The following RHCG variants were observed in gnomAD, a reference collection of about 807,000 sequenced individuals.
The protein encoded by RHCG is Rh family C glycoprotein, also known as ammonium transporter Rh type C.
In RHCG, 39 loss-of-function variants were observed where a neutral mutation model predicts 55.3. The ratio of observed to expected loss-of-function variants is 0.70; its 90% CI spans 0.55 to 0.92. The LOEUF (loss-of-function observed/expected upper bound fraction) is 0.92, where lower values mean the gene tolerates loss of function less well. RHCG is among the 40% of genes least tolerant of loss of function. RHCG has a pLI of 0.00. For synonymous variants in RHCG, 250 were observed against 246.8 expected (o/e 1.01, Z -0.12); for missense variants, 635 against 627.9 (o/e 1.01, Z -0.12).
At chr15:89,475,143 T>C (rs1016646676) in intron 9 of RHCG, among the ~76,000 whole-genome samples, 1 of 149,046 alleles carries the variant, frequency 6.7e-6, no homozygotes, top group African/African-American at 2.5e-5. Flanking sequence ...CCTGCCTTCC[T>C]TCATTCCTTC....
At chr15:89,482,192 C>A (rs1218273794) in intron 3 of RHCG, among the ~76,000 whole-genome samples, 1 of 152,192 alleles carries the variant, frequency 6.6e-6, no homozygotes, top group East Asian at 1.9e-4. Context: ...CTGTCTCAGC[C>A]TCTCAAAGTG....
At position 89,483,086 on chromosome 15, in the gene RHCG, A is replaced by G. The variant is rs1961296043; in HGVS notation, c.503T>C (p.Ile168Thr). ...GCTCACCTTTAGCAGGTTAAGGAGA[A>G]TGAACTCATTCACAGCGAAGAGGGT... ...QVTLFAVNEF[I>T]LLNLLKVKDA... Residue 168 changes from isoleucine (I) to threonine (T), a missense_variant, in exon 3 of 11, where the codon ATT becomes ACT. Coordinates refer to ENST00000268122, the MANE Select transcript of RHCG (RefSeq NM_016321.3). The G allele has an allele frequency of 6.2e-7, 1 of 1,600,890 alleles. No individual in the cohort carries two copies. The highest frequency in any genetic ancestry group is 1.1e-5 in the South Asian group (1 of 90,522).
intron 3 of RHCG, 93 bp downstream of exon 3, chr15:89,482,974 G>A: frequency 7.9e-7 from 1 of 1,268,738 alleles, no homozygotes; most frequent in Non-Finnish European, 1.1e-6. Context: ...TGACTCGCCA[G>A]GCTGGCATGT....
At chr15:89,475,461 G>T (rs1018493241) in intron 9 of RHCG, among the ~76,000 whole-genome samples, 2 of 152,106 alleles carry the variant, frequency 1.3e-5, no homozygotes, top group Admixed American at 6.5e-5. Context: ...GGCTAGGCTG[G>T]TCTCGAACTC....
At chr15:89,486,130 A>G in intron 2 of RHCG, 1 of 397,494 alleles carries the variant, frequency 2.5e-6, no homozygotes, top group Non-Finnish European at 5.1e-6. Context: ...AAGTGACAGT[A>G]GGGTGCTCCA....
At chr15:89,482,999 A>G (rs569633766) in intron 3 of RHCG, 68 bp downstream of exon 3, 1 of 1,430,828 alleles carries the variant, frequency 7.0e-7, no homozygotes, top group East Asian at 2.3e-5. Context: ...CCAGCTGTCT[A>G]TTTCTCCATA....
At chr15:89,475,994 TCTCTCTCTCTTGCTCTCG>T (rs1178751592) in intron 9 of RHCG, among the ~76,000 whole-genome samples, 1 of 148,508 alleles carries the variant, frequency 6.7e-6, no homozygotes, top group Admixed American at 6.6e-5. Flanking sequence ...TGCATTTCTC[TCTCTCTCTCTTGCTCTCG>T]CTCTCTCTCT....
Position 89,477,241 on chromosome 15 carries a change from T to A in RHCG, c.1113-35A>T. 1.2e-6 allele frequency: 2 copies of A among 1,611,774 alleles called. No homozygotes were observed. The highest frequency in any genetic ancestry group is 1.7e-6 in the Non-Finnish European group (2 of 1,178,634). On this transcript the variant is annotated intron_variant, in intron 7 of 10. Transcript: ENST00000268122. This position sits in a 1 kb window ranked among gnomAD's most constrained non-coding sequence, Gnocchi z 4.5. ...AGACAGGGGGCAGGTCAGGGCCCCA[T>A]GGAGAGGCCAAGTAACAGCTTGCTG...
rs1322076776 is a variant in RHCG, at chr15:89,477,408, G to C, written c.1112+109C>G. Reference sequence around the variant, plus strand: ...ACCCATGAAACAATTGGTCCAGAGTGGGGAAGGAAAGGGAGAAAGATGCAG... The same window carrying C: ...ACCCATGAAACAATTGGTCCAGAGTCGGGAAGGAAAGGGAGAAAGATGCAG... On this transcript the variant is annotated intron_variant, in intron 7 of 10. Transcript: ENST00000268122. The surrounding 1 kb of genome is among the most constrained non-coding windows in gnomAD (Gnocchi z 4.5). The C allele has an allele frequency of 4.0e-6, 6 of 1,488,758 alleles. No homozygotes were observed. The highest frequency in any genetic ancestry group is 1.4e-5 in the African/African-American group (1 of 72,314). The allele number at this position is 1,488,758 out of a possible 1,614,324, so 92.2% of individuals were successfully genotyped here.
rs529550288 is a variant in RHCG, at chr15:89,480,148, GATCATGGTGGCCTTCACCC to G, written c.670+94_670+112del. The G allele has an allele frequency of 5.1e-4, 725 of 1,413,400 alleles. 2 individuals are homozygous for G. The highest frequency in any genetic ancestry group is 5.0e-3 in the African/African-American group (359 of 71,438). 87.6% of individuals were successfully genotyped at this position (1,413,400 alleles called of 1,614,324 possible). ...ACCATACCACGTGGGGATCAGGTCT[GATCATGGTGGCCTTCACCC>G]ATCATGGTGGCCTTCACCCATCATG... On this transcript the variant is annotated intron_variant, in intron 4 of 10. Coordinates refer to ENST00000268122, the MANE Select transcript of RHCG (RefSeq NM_016321.3).
chr15:89,488,161 A>C (rs1961407720), intron 1 of RHCG, among the ~76,000 whole-genome samples: 1 of 152,214 alleles, frequency 6.6e-6, no homozygotes, highest in Non-Finnish European at 1.5e-5. Context: ...CACCAAAGCA[A>C]TTATGTGTTA....
rs1961038248 is a variant in RHCG, at chr15:89,471,605, T to TGA, written c.*273_*274dup. On this transcript the variant is annotated 3_prime_UTR_variant, in exon 11 of 11. Transcript: ENST00000268122. The stretch of plus-strand genomic sequence containing the variant: ...CACCCACCAGGTCCCAGCCCCACTT[T>TGA]GAGCCTGTTTTTCTCCAATGTGGCC... 1.3e-5 allele frequency: 2 copies of TGA among 152,626 alleles called. No homozygotes were observed. The highest frequency in any genetic ancestry group is 4.8e-5 in the African/African-American group (2 of 41,416). The allele number at this position is 152,626 out of a possible 1,614,324, so 9.5% of individuals were successfully genotyped here.
intron 2 of RHCG, among the ~76,000 whole-genome samples, chr15:89,485,361 A>C (rs1448939637): frequency 6.6e-6 from 1 of 152,220 alleles, no homozygotes; most frequent in Non-Finnish European, 1.5e-5. Context: ...TATAAACAAA[A>C]AGACTTGTTT....
rs150439539 is a variant in RHCG, at chr15:89,480,338, A to G, written c.593T>C (p.Ile198Thr). ...GAYFGLTVTR[I>T]LYRRNLEQSK... The stretch of plus-strand genomic sequence containing the variant: ...CTGCTCTAGGTTGCGTCGGTAGAGG[A>G]TCCGGGTCACTGTGAGCCCAAAGTA... The change falls in exon 4 of 11, where the codon ATC (isoleucine) becomes ACC (threonine). Residue 198 changes from isoleucine to threonine, a missense_variant. Physicochemically the swap from Ile to Thr is moderately conservative, Grantham distance 89. Coordinates refer to ENST00000268122, the MANE Select transcript of RHCG (RefSeq NM_016321.3). 2,619 of 1,614,130 alleles carry G rather than the reference A, an allele frequency of 1.6e-3. 5 individuals are homozygous for G. Among genetic ancestry groups the G allele is most frequent in the Non-Finnish European group, 1.9e-3 (2,235 of 1,180,012 alleles).
chr15:89,474,157 G>T (rs1961089812), intron 9 of RHCG, among the ~76,000 whole-genome samples: 1 of 152,144 alleles, frequency 6.6e-6, no homozygotes, highest in Admixed American at 6.6e-5. Context: ...AAAAATCTAT[G>T]CAGAGAAAAA....
At chr15:89,488,154 C>G (rs1287681748) in intron 1 of RHCG, among the ~76,000 whole-genome samples, 1 of 152,104 alleles carries the variant, frequency 6.6e-6, no homozygotes, top group African/African-American at 2.4e-5. Context: ...ATCTGAGCAC[C>G]AAAGCAATTA....
Position 89,483,142 on chromosome 15 carries a change from A to G in RHCG, c.447T>C (p.Ile149=). The change falls in exon 3 of 11, where the codon ATT becomes ATC. Residue 149 remains isoleucine (I), a synonymous_variant. Transcript: ENST00000268122. The part of the protein sequence containing the change: ...FGAVLGKVSP[I]QLLIMTFFQV... ...GGAAGAAAGTCATGATGAGCAGCTG[A>G]ATGGGGCTGACTTTACCCAGAACTG... The G allele has an allele frequency of 6.2e-7, 1 of 1,608,302 alleles. No individual in the cohort carries two copies. The highest frequency in any genetic ancestry group is 8.5e-7 in the Non-Finnish European group (1 of 1,175,262).
chr15:89,491,679 A>G (rs1352855260), intron 1 of RHCG, among the ~76,000 whole-genome samples: 3 of 152,194 alleles, frequency 2.0e-5, no homozygotes, highest in East Asian at 1.9e-4. Context: ...AGGCAGGAGA[A>G]TCACTTGAAC....
chr15:89,477,218 A>G lies in RHCG; in HGVS notation c.1113-12T>C. On this transcript the variant is annotated splice_polypyrimidine_tract_variant and intron_variant, in intron 7 of 10. Coordinates refer to ENST00000268122, the MANE Select transcript of RHCG (RefSeq NM_016321.3). The surrounding 1 kb of genome is among the most constrained non-coding windows in gnomAD (Gnocchi z 4.5). ...AGGAATGGACAAGCCTGGGGTGGAG[A>G]CAGGGGGCAGGTCAGGGCCCCATGG... The G allele has an allele frequency of 6.2e-7, 1 of 1,613,862 alleles. No individual in the cohort carries two copies. The highest frequency in any genetic ancestry group is 8.5e-7 in the Non-Finnish European group (1 of 1,179,952).
Sources: gnomAD v4.1 joint callset for allele counts (sites outside exome capture counted in the v4.1 genomes callset) on GRCh38, gnomAD v4.1.1 for gene constraint, Gnocchi (gnomAD v3.1) non-coding constraint, MANE v1.5 for transcripts, NCBI Gene and HGNC (gene_info 2026-07-23, HGNC 2026-07-21) for gene names.